The following ZC3H13 variants were observed in gnomAD, a reference collection of about 807,000 sequenced individuals.
ZC3H13 encodes zinc finger CCCH-type containing 13.
ZC3H13 carries 64 observed loss-of-function variants against 204.1 expected under a neutral mutation model. That is an observed-to-expected ratio of 0.31 (90% CI 0.26 to 0.39). ZC3H13 has a LOEUF of 0.39. Among genes scored for constraint, ZC3H13 ranks in the 10% least tolerant of loss-of-function variants. The pLI, the probability that ZC3H13 is intolerant of heterozygous loss-of-function variation, is 1.00. For missense variants in ZC3H13, 1,833 were observed against 2,082.7 expected (o/e 0.88, Z 2.33); for synonymous variants, 667 against 693.7 (o/e 0.96, Z 0.60).
chr13:46,003,395 A>T (rs1286080165), intron 7 of ZC3H13, 59 bp from the exon 8 acceptor site: 2 of 1,511,348 alleles, frequency 1.3e-6, no homozygotes, highest in African/African-American at 2.8e-5. Context: ...ATATTTTTTA[A>T]AGCCTTCTTA....
intron 4 of ZC3H13, among the ~76,000 whole-genome samples, chr13:46,036,107 C>G (rs2043193081): frequency 6.7e-6 from 1 of 148,690 alleles, no homozygotes; most frequent in South Asian, 2.1e-4. Flanking sequence ...ATGTTTGCAT[C>G]ATTGCACTTT....
intron 1 of ZC3H13, among the ~76,000 whole-genome samples, chr13:46,048,637 G>T (rs183048468): frequency 3.2e-4 from 45 of 142,634 alleles, no homozygotes; most frequent in Non-Finnish European, 6.8e-4. Context: ...GACTTGCTAT[G>T]AAAGACAATC....
chr13:46,018,651 CT>C (rs2042053895), intron 5 of ZC3H13, among the ~76,000 whole-genome samples: 1 of 152,100 alleles, frequency 6.6e-6, no homozygotes, highest in Non-Finnish European at 1.5e-5. Context: ...TCCATTGTCT[CT>C]GCTTAGTAGA....
intron 4 of ZC3H13, among the ~76,000 whole-genome samples, chr13:46,028,197 T>C (rs1417288015): frequency 6.6e-6 from 1 of 151,730 alleles, no homozygotes; most frequent in Non-Finnish European, 1.5e-5. Context: ...TCAGACAGAG[T>C]AGACTCTAGA....
chr13:46,035,012 C>T (rs1368349621), intron 4 of ZC3H13, among the ~76,000 whole-genome samples: 2 of 152,180 alleles, frequency 1.3e-5, no homozygotes, highest in African/African-American at 2.4e-5. Context: ...ACACAGCTAA[C>T]GCCCAGGTTT....
chr13:46,003,124 T>C lies in ZC3H13; in HGVS notation c.944+15A>G. ...ACAAAAGTTAATATTGTTAAAAACA[T>C]ACAATCCTACTTACCTTGGCTTGTC... On this transcript the variant is annotated intron_variant, in intron 8 of 18. Transcript: ENST00000679008. 1 of 1,603,540 alleles carries C rather than the reference T, an allele frequency of 6.2e-7. No homozygotes were observed. The highest frequency in any genetic ancestry group is 8.5e-7 in the Non-Finnish European group (1 of 1,177,594).
Position 45,988,855 on chromosome 13 carries a change from C to A in ZC3H13, c.1187G>T (p.Arg396Leu). The stretch of plus-strand genomic sequence containing the variant: ...TTCATGATCATGTCTCCCTTTCTCT[C>A]GCATTGGAGAGCGATGTCTTGGAGG... ...QSPPRHRSPMREKGRHDHERT... is the reference protein window; with the variant it reads ...QSPPRHRSPMLEKGRHDHERT... The change falls in exon 9 of 19, where the codon CGA becomes CTA. Residue 396 changes from arginine to leucine, a missense_variant. Around this residue, in one of 5 missense-constraint regions of ZC3H13, gnomAD observed 1,574 missense variants for 1,757.2 expected, o/e 0.90. Coordinates refer to ENST00000679008, the MANE Select transcript of ZC3H13 (RefSeq NM_001330564.2). 6.2e-7 allele frequency: 1 copy of A among 1,614,160 alleles called. No homozygotes were observed. The highest frequency in any genetic ancestry group is 8.5e-7 in the Non-Finnish European group (1 of 1,180,022).
chr13:46,034,616 T>G (rs969274373), intron 4 of ZC3H13, among the ~76,000 whole-genome samples: 4 of 152,192 alleles, frequency 2.6e-5, no homozygotes, highest in South Asian at 2.1e-4. Flanking sequence ...GGCATGAAGA[T>G]ATGTTTTCGG....
In ZC3H13 at chr13:46,048,772, T is replaced by A. The variant is rs565291883; in HGVS notation, c.-9-3256A>T. Among the ~76,000 whole-genome samples, 10 of 152,072 alleles carry A rather than the reference T, an allele frequency of 6.6e-5. No homozygotes were observed. The South Asian group carries it at 1.2e-3, about 19-fold the overall frequency. On this transcript the variant is annotated intron_variant, in intron 1 of 18. Coordinates refer to ENST00000679008, the MANE Select transcript of ZC3H13 (RefSeq NM_001330564.2). ...TCAAGATTCACCTACATAGTAATTA[T>A]CCCAGGAATTTCACTTGCAGCTACT...
At chr13:45,978,224 T>G (rs1953233992) in intron 11 of ZC3H13, among the ~76,000 whole-genome samples, 1 of 152,108 alleles carries the variant, frequency 6.6e-6, no homozygotes. Context: ...TTTGTTTTTT[T>G]GGGTGGGGAG....
intron 4 of ZC3H13, among the ~76,000 whole-genome samples, chr13:46,033,285 T>C (rs2043010380): frequency 6.6e-6 from 1 of 152,088 alleles, no homozygotes; most frequent in African/African-American, 2.4e-5. Context: ...TCAAGTAACT[T>C]AAAATGTACG....
Position 45,989,031 on chromosome 13 carries a change from T to C in ZC3H13, c.1011A>G (p.Gln337=), listed in dbSNP as rs573797196. 2.4e-5 allele frequency: 39 copies of C among 1,614,146 alleles called. No homozygotes were observed. In the South Asian group the frequency reaches 3.1e-4, roughly 13 times the overall value. The change falls in exon 9 of 19, where the codon CAA becomes CAG. Residue 337 remains glutamine (Q), a synonymous_variant. Coordinates refer to ENST00000679008, the MANE Select transcript of ZC3H13 (RefSeq NM_001330564.2). ...AATGTCTTTGAATAGATGATCCTGATTGTGAGGAAGATGAGTGATGTCTAG... is the reference window on the plus strand; with the variant it reads ...AATGTCTTTGAATAGATGATCCTGACTGTGAGGAAGATGAGTGATGTCTAG... ...ISSRHHSSSS[Q]SGSSIQRHSP...
intron 1 of ZC3H13, among the ~76,000 whole-genome samples, chr13:46,050,518 G>A (rs1156581482): frequency 6.6e-6 from 1 of 152,096 alleles, no homozygotes; most frequent in Non-Finnish European, 1.5e-5. Context: ...CTACATGAAT[G>A]TACTAACTAG....
At chr13:45,964,347 G>C (rs1407318334) in intron 16 of ZC3H13, among the ~76,000 whole-genome samples, 3 of 152,200 alleles carry the variant, frequency 2.0e-5, no homozygotes, top group Non-Finnish European at 2.9e-5. Flanking sequence ...GATTGGGTCT[G>C]ATCTTTTGAA....
chr13:46,022,717 A>ATT (rs879499124), intron 4 of ZC3H13, among the ~76,000 whole-genome samples: 2 of 142,894 alleles, frequency 1.4e-5, no homozygotes, highest in Non-Finnish European at 3.1e-5. Flanking sequence ...AGAGTTCAGA[A>ATT]TTTTTTTTTT....
chr13:45,981,385 T>C (rs1473996474), intron 10 of ZC3H13, among the ~76,000 whole-genome samples: 4 of 152,220 alleles, frequency 2.6e-5, no homozygotes, highest in African/African-American at 9.6e-5. Context: ...AGTCTATCAC[T>C]GTTGGACATT....
intron 17 of ZC3H13, chr13:45,963,576 C>T (rs1340301125): frequency 8.3e-6 from 10 of 1,199,944 alleles, no homozygotes; most frequent in Non-Finnish European, 1.0e-5. Context: ...ACATGCAACA[C>T]CACGCCTGGC....
At chr13:45,964,564 C>G (rs973156366) in intron 16 of ZC3H13, among the ~76,000 whole-genome samples, 4 of 152,148 alleles carry the variant, frequency 2.6e-5, no homozygotes, top group Non-Finnish European at 5.9e-5. Flanking sequence ...TTAGAAATAC[C>G]TGATACCAGA....
At chr13:46,040,960 T>C (rs1308183568) in intron 4 of ZC3H13, among the ~76,000 whole-genome samples, 1 of 152,148 alleles carries the variant, frequency 6.6e-6, no homozygotes, top group Non-Finnish European at 1.5e-5. Flanking sequence ...GTGCAGAAAC[T>C]AGAACTTTCA....
Sources: gnomAD v4.1 joint callset for allele counts (sites outside exome capture counted in the v4.1 genomes callset) on GRCh38, gnomAD v4.1.1 for gene constraint, gnomAD v4.1.1 regional missense constraint, MANE v1.5 for transcripts, NCBI Gene and HGNC (gene_info 2026-07-23, HGNC 2026-07-21) for gene names.